Variants in ALPL observed in about 807,000 individuals in gnomAD.
ALPL encodes alkaline phosphatase, biomineralization associated.
ALPL carries 42 observed loss-of-function variants against 51.3 expected under a neutral mutation model. The observed-to-expected ratio is 0.82, with a 90% CI of 0.64 to 1.06. The LOEUF (loss-of-function observed/expected upper bound fraction) is 1.06, where lower values mean the gene tolerates loss of function less well. ALPL is among the 50% of genes least tolerant of loss of function. The probability of loss-of-function intolerance (pLI) is 0.00; values close to 1 mark genes in which losing one functional copy is unlikely to be tolerated. For synonymous variants in ALPL, 279 were observed against 296.4 expected, an observed-to-expected ratio of 0.94 and a Z score of 0.60; for missense variants, 589 against 709.4, an observed-to-expected ratio of 0.83 and a Z score of 1.93.
At chr1:21,518,819 C>T (rs1205786365) in intron 1 of ALPL, among the ~76,000 whole-genome samples, 1 of 152,152 alleles carries the variant, frequency 6.6e-6, no homozygotes, top group East Asian at 1.9e-4. Context: ...CTCTGCCAGA[C>T]TTGGGCTAGA....
intron 7 of ALPL, among the ~76,000 whole-genome samples, chr1:21,569,984 TC>T (rs1173757350): frequency 6.6e-6 from 1 of 152,118 alleles, no homozygotes; most frequent in Non-Finnish European, 1.5e-5. Flanking sequence ...GGAATAGCCT[TC>T]CTGACCCTAG....
At chr1:21,513,626 C>T (rs1246373923) in intron 1 of ALPL, among the ~76,000 whole-genome samples, 1 of 152,102 alleles carries the variant, frequency 6.6e-6, no homozygotes, top group East Asian at 1.9e-4. Context: ...ATATTTATAG[C>T]CTGCTGTGTG....
intron 1 of ALPL, among the ~76,000 whole-genome samples, chr1:21,527,692 G>A (rs1431314805): frequency 6.6e-6 from 1 of 151,800 alleles, no homozygotes; most frequent in Non-Finnish European, 1.5e-5. Context: ...TGGGATTAGT[G>A]GCACCTGCCA....
At chr1:21,568,850 G>A (rs1052499891) in intron 7 of ALPL, among the ~76,000 whole-genome samples, 2 of 152,164 alleles carry the variant, frequency 1.3e-5, no homozygotes, top group African/African-American at 4.8e-5. Flanking sequence ...TTGGGGAAGG[G>A]AGGCTGGAGG....
At chr1:21,555,726 G>A (rs1644404312) in intron 2 of ALPL, among the ~76,000 whole-genome samples, 1 of 150,454 alleles carries the variant, frequency 6.6e-6, no homozygotes, top group Non-Finnish European at 1.5e-5. Flanking sequence ...CCTTTTTCTT[G>A]TCATTTGTAG....
intron 1 of ALPL, among the ~76,000 whole-genome samples, chr1:21,516,064 GAGA>G (rs1643794478): frequency 6.6e-6 from 1 of 152,020 alleles, no homozygotes; most frequent in South Asian, 2.1e-4. Context: ...ATTACTTGTA[GAGA>G]TGAGGTCTTG....
chr1:21,571,448 G>A (rs548597315), intron 8 of ALPL, among the ~76,000 whole-genome samples: 12 of 150,072 alleles, frequency 8.0e-5, no homozygotes, highest in South Asian at 4.3e-4. Flanking sequence ...CGAGGTGGGC[G>A]GAGCACAAGG....
chr1:21,516,739 A>G (rs938606865), intron 1 of ALPL, among the ~76,000 whole-genome samples: 2 of 152,254 alleles, frequency 1.3e-5, no homozygotes, highest in African/African-American at 2.4e-5. Flanking sequence ...CTGTTAGCCT[A>G]TCAAGATATC....
At chr1:21,522,529 G>A (rs1212578804) in intron 1 of ALPL, among the ~76,000 whole-genome samples, 2 of 152,024 alleles carry the variant, frequency 1.3e-5, no homozygotes, top group Admixed American at 6.6e-5. Context: ...TATCTCCCAG[G>A]ACATGTGTGT....
intron 1 of ALPL, among the ~76,000 whole-genome samples, chr1:21,512,798 A>G (rs1398542942): frequency 6.6e-6 from 1 of 152,174 alleles, no homozygotes; most frequent in African/African-American, 2.4e-5. Flanking sequence ...CCATGCTTAA[A>G]TTCTCAGCCT....
Position 21,576,215 on chromosome 1 carries a change from GGAT to G in ALPL, c.1189+296_1189+298del, listed in dbSNP as rs112299886. The stretch of plus-strand genomic sequence containing the variant: ...GAGGATGGCTGGCTGGATGATGGAT[GGAT>G]GATGGATGGATGGATGGATGGATGG... On this transcript the variant is annotated intron_variant, in intron 10 of 11. Coordinates refer to ENST00000374840, the MANE Select transcript of ALPL (RefSeq NM_000478.6). 5.6e-5 allele frequency among the ~76,000 whole-genome samples: 8 copies of G among 144,104 alleles called. No individual in the cohort carries two copies. The East Asian group carries it at 1.6e-3, about 28-fold the overall frequency. The allele number at this position is 144,104 out of a possible 152,430, so 94.5% of individuals were successfully genotyped here. A position where few individuals can be genotyped will look rare whatever the true frequency, so the allele number is the denominator to read the frequency against.
intron 1 of ALPL, among the ~76,000 whole-genome samples, chr1:21,542,309 T>C (rs1486912798): frequency 6.6e-6 from 1 of 152,166 alleles, no homozygotes; most frequent in African/African-American, 2.4e-5. Flanking sequence ...CCACAGCTCC[T>C]TGGAAGAGCC....
intron 1 of ALPL, among the ~76,000 whole-genome samples, chr1:21,551,053 C>A (rs1185495437): frequency 1.3e-5 from 2 of 152,194 alleles, no homozygotes; most frequent in Non-Finnish European, 2.9e-5. Context: ...CCGGTTTTCC[C>A]ATGCGCTGTG....
intron 1 of ALPL, among the ~76,000 whole-genome samples, chr1:21,528,561 A>C (rs1332753101): frequency 1.3e-5 from 2 of 151,354 alleles, no homozygotes; most frequent in Admixed American, 6.6e-5. Context: ...CATATTGGCC[A>C]GACTGGTCTC....
In ALPL at chr1:21,554,412, C is replaced by CATATATATTTTTCCATATATATATTTCAT. The variant is rs1349346514; in HGVS notation, c.61+306_61+334dup. ...TATACAAGGAAATATATATTTTCCACATATATATTTTTCCATATATATATT... is the reference window on the plus strand; with the variant it reads ...TATACAAGGAAATATATATTTTCCACATATATATTTTTCCATATATATATTTCATATATATATTTTTCCATATATATATT... On this transcript the variant is annotated intron_variant, in intron 2 of 11. Transcript: ENST00000374840. 1.9e-3 allele frequency among the ~76,000 whole-genome samples: 284 copies of CATATATATTTTTCCATATATATATTTCAT among 146,522 alleles called. 3 individuals are homozygous for CATATATATTTTTCCATATATATATTTCAT. The highest frequency in any genetic ancestry group is 5.8e-3 in the African/African-American group (232 of 39,786).
chr1:21,554,843 TTC>T (rs1284752222), intron 2 of ALPL, among the ~76,000 whole-genome samples: 2 of 135,808 alleles, frequency 1.5e-5, no homozygotes, highest in African/African-American at 5.3e-5. Context: ...CTTTCTTTCT[TTC>T]TTTCTTTCTT....
chr1:21,554,012 G>GCCCCCCC lies in ALPL; in HGVS notation c.-67_-66insCCCCCCC. On this transcript the variant is annotated 5_prime_UTR_variant, in exon 2 of 12. Transcript: ENST00000374840. ...ATCAGTTAACATCTGACCACTGCCA[G>GCCCCCCC]CCCACCCCCTCCCACCCACGTCGAT... The GCCCCCCC allele has an allele frequency of 2.2e-5, 22 of 995,178 alleles. No individual in the cohort carries two copies. The highest frequency in any genetic ancestry group is 5.0e-5 in the East Asian group (2 of 40,088). 61.6% of individuals were successfully genotyped at this position (995,178 alleles called of 1,614,324 possible).
chr1:21,531,939 C>A (rs1469153429), intron 1 of ALPL, among the ~76,000 whole-genome samples: 1 of 151,890 alleles, frequency 6.6e-6, no homozygotes, highest in African/African-American at 2.4e-5. Context: ...CTTCCATCTC[C>A]CAGGAGATTC....
chr1:21,570,424 C>T lies in ALPL; in HGVS notation c.862+50C>T, dbSNP rs371983734. On this transcript the variant is annotated intron_variant, in intron 8 of 11. Transcript: ENST00000374840. ...GATGCATGGCTCGGAGCCTGGTGGCCGGAGCTGCGTGTGGCCAGCACCTGG... is the reference window on the plus strand; with the variant it reads ...GATGCATGGCTCGGAGCCTGGTGGCTGGAGCTGCGTGTGGCCAGCACCTGG... The T allele has an allele frequency of 4.1e-4, 652 of 1,590,544 alleles. 2 individuals carry two copies. Among genetic ancestry groups the T allele is most frequent in the Non-Finnish European group, 5.3e-4 (619 of 1,160,320 alleles).
Sources: gnomAD v4.1 joint callset for allele counts (sites outside exome capture counted in the v4.1 genomes callset) on GRCh38, gnomAD v4.1.1 for gene constraint, MANE v1.5 for transcripts, NCBI Gene and HGNC (gene_info 2026-07-23, HGNC 2026-07-21) for gene names.